Variants in MAST2 observed in about 807,000 individuals in gnomAD.
MAST2 encodes the protein microtubule associated serine/threonine kinase 2, also known as microtubule-associated serine/threonine-protein kinase 2.
In MAST2, 70 loss-of-function variants were observed where a neutral mutation model predicts 147.4. That is an observed-to-expected ratio of 0.47 (90% CI 0.39 to 0.58). The LOEUF (loss-of-function observed/expected upper bound fraction) is 0.58, where lower values mean the gene tolerates loss of function less well. MAST2 is among the 20% of genes least tolerant of loss of function. MAST2 has a pLI of 0.00. For missense variants in MAST2, 2,080 were observed against 2,302.3 expected, an observed-to-expected ratio of 0.90 and a Z score of 1.98; for synonymous variants, 869 against 896.8, an observed-to-expected ratio of 0.97 and a Z score of 0.55.
intron 4 of MAST2, among the ~76,000 whole-genome samples, chr1:45,921,422 G>A (rs1215625208): frequency 2.6e-5 from 4 of 152,168 alleles, no homozygotes; most frequent in Non-Finnish European, 5.9e-5. Flanking sequence ...GCTGGGCCCA[G>A]TTGGCCCAGC....
rs1047530095 is a variant in MAST2 at position 45,995,519 on chromosome 1, G to A, written c.593-2205G>A. On this transcript the variant is annotated intron_variant, in intron 5 of 28. Coordinates refer to ENST00000361297, the MANE Select transcript of MAST2 (RefSeq NM_015112.3). ...CGAGTTTATTCAACTTACATACAAG[G>A]CACTCCTGGACGGCAGCAGGACAGC... is the stretch of plus-strand genomic sequence containing the variant. Among the ~76,000 whole-genome samples the A allele has an allele frequency of 3.3e-5, 5 of 152,152 alleles. No individual in the cohort carries two copies. In the South Asian group the frequency reaches 1.0e-3, roughly 32 times the overall value.
intron 3 of MAST2, among the ~76,000 whole-genome samples, chr1:45,866,234 A>C (rs1239231173): frequency 1.3e-5 from 2 of 152,162 alleles, no homozygotes; most frequent in South Asian, 4.1e-4. Context: ...AATCTTTAGC[A>C]GTTGACCAGT....
chr1:45,995,760 C>G (rs1379408949), intron 5 of MAST2, among the ~76,000 whole-genome samples: 2 of 152,178 alleles, frequency 1.3e-5, no homozygotes, highest in Non-Finnish European at 2.9e-5. Flanking sequence ...TCTTTGCCTA[C>G]TGTGTTTGAA....
intron 5 of MAST2, among the ~76,000 whole-genome samples, chr1:45,982,128 C>T (rs1490766293): frequency 6.6e-6 from 1 of 152,230 alleles, no homozygotes; most frequent in African/African-American, 2.4e-5. Flanking sequence ...GGATTAGAGG[C>T]GTGAGCCACC....
At chr1:45,997,087 G>A (rs1427009756) in intron 5 of MAST2, among the ~76,000 whole-genome samples, 1 of 152,166 alleles carries the variant, frequency 6.6e-6, no homozygotes, top group Non-Finnish European at 1.5e-5. Flanking sequence ...TTAATGCAAA[G>A]GTAAACTTAC....
chr1:45,918,285 C>G (rs564068169), intron 4 of MAST2, among the ~76,000 whole-genome samples: 1 of 152,252 alleles, frequency 6.6e-6, no homozygotes, highest in South Asian at 2.1e-4. Flanking sequence ...GAAGAGTGTT[C>G]CAGGTGGAGG....
intron 3 of MAST2, among the ~76,000 whole-genome samples, chr1:45,855,230 T>G (rs1324119548): frequency 6.6e-6 from 1 of 152,100 alleles, no homozygotes; most frequent in African/African-American, 2.4e-5. Context: ...CCCAATAAAT[T>G]CTAATGGATT....
chr1:45,964,178 T>C (rs1363765457), intron 5 of MAST2, among the ~76,000 whole-genome samples: 1 of 152,192 alleles, frequency 6.6e-6, no homozygotes, highest in Non-Finnish European at 1.5e-5. Context: ...TAAAATTCTC[T>C]TTTTTTGTTG....
intron 3 of MAST2, among the ~76,000 whole-genome samples, chr1:45,865,943 A>G (rs951860204): frequency 1.3e-5 from 2 of 152,112 alleles, no homozygotes; most frequent in African/African-American, 4.8e-5. Flanking sequence ...TAATCAATCA[A>G]CCTGTGATGG....
chr1:45,866,209 A>G (rs1451084263), intron 3 of MAST2, among the ~76,000 whole-genome samples: 1 of 152,216 alleles, frequency 6.6e-6, no homozygotes, highest in Non-Finnish European at 1.5e-5. Flanking sequence ...CAGAGCCCGT[A>G]GGGAGAACCC....
intron 8 of MAST2, 138 bp downstream of exon 8, chr1:46,006,533 C>T (rs963678345): frequency 3.3e-6 from 2 of 611,286 alleles, no homozygotes; most frequent in African/African-American, 1.9e-5. Context: ...ATCTCTGTCA[C>T]ATTCCTCAAC....
At chr1:45,998,753 A>C (rs1645154712) in intron 6 of MAST2, among the ~76,000 whole-genome samples, 1 of 147,840 alleles carries the variant, frequency 6.8e-6, no homozygotes, top group South Asian at 2.1e-4. Context: ...TTTGAGACGG[A>C]GTCTCACTCT....
intron 1 of MAST2, among the ~76,000 whole-genome samples, chr1:45,817,408 A>AAG (rs1483867030): frequency 6.6e-6 from 1 of 152,148 alleles, no homozygotes; most frequent in Non-Finnish European, 1.5e-5. Flanking sequence ...CTTACAGGCC[A>AAG]AGAGAGAGAG....
intron 10 of MAST2, among the ~76,000 whole-genome samples, chr1:46,016,745 G>T (rs916908826): frequency 1.3e-5 from 2 of 152,194 alleles, no homozygotes; most frequent in African/African-American, 4.8e-5. Flanking sequence ...TGGCCATACT[G>T]CCCAAGGTAA....
intron 22 of MAST2, 62 bp from the exon 23 acceptor site, chr1:46,030,945 G>C: frequency 1.3e-6 from 2 of 1,572,872 alleles, no homozygotes; most frequent in Non-Finnish European, 1.7e-6. Context: ...GTGCCCCTAA[G>C]GAGACCTGGC....
intron 3 of MAST2, among the ~76,000 whole-genome samples, chr1:45,854,610 A>G (rs1004223665): frequency 6.6e-6 from 1 of 152,176 alleles, no homozygotes; most frequent in Admixed American, 6.5e-5. Context: ...TAGGAATTAC[A>G]TTAAACCTAT....
At chr1:45,919,870 C>G (rs1449429665) in intron 4 of MAST2, among the ~76,000 whole-genome samples, 2 of 150,928 alleles carry the variant, frequency 1.3e-5, no homozygotes, top group African/African-American at 4.9e-5. Context: ...TCTTTTGTAT[C>G]CATGCCATGC....
chr1:45,963,366 T>G (rs1381455492), intron 5 of MAST2, among the ~76,000 whole-genome samples: 1 of 152,216 alleles, frequency 6.6e-6, no homozygotes, highest in Non-Finnish European at 1.5e-5. Flanking sequence ...GTATGGCCAT[T>G]TTCACGATAT....
intron 10 of MAST2, 102 bp downstream of exon 10, chr1:46,011,041 A>G (rs1645694165): frequency 7.0e-6 from 7 of 999,328 alleles, no homozygotes; most frequent in South Asian, 1.5e-5. Context: ...CAGTCTTCAC[A>G]GACTGCTTGT....
Sources: gnomAD v4.1 joint callset for allele counts (sites outside exome capture counted in the v4.1 genomes callset) on GRCh38, gnomAD v4.1.1 for gene constraint, MANE v1.5 for transcripts, NCBI Gene and HGNC (gene_info 2026-07-23, HGNC 2026-07-21) for gene names.